SLC16A4: variants seen among roughly 807,000 people sequenced by gnomAD.
SLC16A4 encodes the protein probable monocarboxylate transporter 5.
A neutral mutation model predicts 47.9 loss-of-function variants in SLC16A4; 39 were observed. That is an observed-to-expected ratio of 0.81 (90% confidence interval 0.63 to 1.06). The LOEUF (loss-of-function observed/expected upper bound fraction) is 1.06, where lower values mean the gene tolerates loss of function less well. Ranked by LOEUF, SLC16A4 falls within the 50% of genes least tolerant of loss-of-function variation. The pLI, the probability that SLC16A4 is intolerant of heterozygous loss-of-function variation, is 0.00. For synonymous variants in SLC16A4, 189 were observed against 199.9 expected (o/e 0.95, Z 0.46); for missense variants, 524 against 573.8 (o/e 0.91, Z 0.89).
rs114611832 is a variant in SLC16A4 at position 110,367,374 on chromosome 1, G to A, written c.1337-3481C>T. ...TAGCTGGGTGTTGGCCAGGCGTGAC[G>A]GCTCATGCCTATAATCTTAGCACTT... is the stretch of plus-strand genomic sequence containing the variant. On this transcript the variant is annotated intron_variant, in intron 8 of 8. Coordinates refer to ENST00000369779, the MANE Select transcript of SLC16A4 (RefSeq NM_004696.3). 1.6e-3 allele frequency among the ~76,000 whole-genome samples: 244 copies of A among 152,266 alleles called. 1 individual carries two copies. Among genetic ancestry groups the A allele is most frequent in the African/African-American group, 5.4e-3 (223 of 41,542 alleles).
rs367923142 is a variant in SLC16A4, at chr1:110,379,409, G to A, written c.527-53C>T. ...AAATAGCCTTTCAGTTCACAATACT[G>A]CTTTGTGTTCATAGGCTCAGAAGAG... On this transcript the variant is annotated intron_variant, in intron 5 of 8. Transcript: ENST00000369779. The A allele has an allele frequency of 2.1e-5, 31 of 1,511,992 alleles. 1 individual carries two copies. The African/African-American group carries it at 3.1e-4, about 15-fold the overall frequency. The allele number at this position is 1,511,992 out of a possible 1,614,324, so 93.7% of individuals were successfully genotyped here. A position where few individuals can be genotyped will look rare whatever the true frequency, so the allele number is the denominator to read the frequency against.
chr1:110,381,053 C>T lies in SLC16A4; in HGVS notation c.455G>A (p.Arg152His), dbSNP rs143416831. ...AAGAAAAGTCAGTCCCATCCCAGAA[C>T]GGGCAATAGCTGTAGAAAGAGCCAA... is the stretch of plus-strand genomic sequence containing the variant. ...KRLALSTAIA[R>H]SGMGLTFLLA... Residue 152 changes from arginine to histidine, a missense_variant, in exon 5 of 9, where the codon CGT (arginine) becomes CAT (histidine). Arg to His is a conservative substitution (Grantham distance 29, BLOSUM62 0). Transcript: ENST00000369779. The T allele has an allele frequency of 2.9e-5, 46 of 1,614,032 alleles. 1 individual carries two copies. The South Asian group carries it at 4.3e-4, about 15-fold the overall frequency.
intron 8 of SLC16A4, among the ~76,000 whole-genome samples, 175 bp from the exon 9 acceptor site, chr1:110,364,068 A>G (rs1467924029): frequency 1.3e-5 from 2 of 152,226 alleles, no homozygotes; most frequent in East Asian, 3.8e-4. Flanking sequence ...CACCTGAGTT[A>G]GGGACTTACA....
chr1:110,385,922 C>G (rs1353782814), intron 2 of SLC16A4, among the ~76,000 whole-genome samples: 1 of 152,206 alleles, frequency 6.6e-6, no homozygotes, highest in Non-Finnish European at 1.5e-5. Flanking sequence ...ACACAGATCT[C>G]AAATGACTTA....
At chr1:110,382,361 A>C (rs550565687) in intron 3 of SLC16A4, among the ~76,000 whole-genome samples, 2 of 152,270 alleles carry the variant, frequency 1.3e-5, no homozygotes, top group South Asian at 4.1e-4. Context: ...TGGGAGGCTG[A>C]AGCAGGAGAG....
At chr1:110,386,194 A>G (rs923865369) in intron 2 of SLC16A4, among the ~76,000 whole-genome samples, 1 of 152,176 alleles carries the variant, frequency 6.6e-6, no homozygotes, top group Non-Finnish European at 1.5e-5. Flanking sequence ...ACTTGTCTCT[A>G]ATAACTGAGT....
chr1:110,367,236 G>A (rs987262431), intron 8 of SLC16A4, among the ~76,000 whole-genome samples: 1 of 152,220 alleles, frequency 6.6e-6, no homozygotes. Flanking sequence ...GCTCATGCCT[G>A]TAATCCTAGC....
chr1:110,379,047 C>G lies in SLC16A4; in HGVS notation c.836G>C (p.Ser279Thr). The G allele has an allele frequency of 6.2e-7, 1 of 1,614,204 alleles. No homozygotes were observed. Among genetic ancestry groups the G allele is most frequent in the Non-Finnish European group, 8.5e-7 (1 of 1,180,032 alleles). Residue 279 changes from serine to threonine, a missense_variant, in exon 6 of 9, where the codon AGT becomes ACT. Physicochemically the swap from Ser to Thr is moderately conservative, Grantham distance 58 (BLOSUM62 1). Coordinates refer to ENST00000369779, the MANE Select transcript of SLC16A4 (RefSeq NM_004696.3). Reference protein sequence around the residue: ...NRLLLKSDEESDKVISWSCKQ... With the variant: ...NRLLLKSDEETDKVISWSCKQ... ...GCAGCTCCACGAAATAACCTTATCA[C>G]TTTCTTCATCACTCTTTAATAACAG... is the stretch of plus-strand genomic sequence containing the variant.
rs2100965085 is a variant in SLC16A4 at position 110,363,970 on chromosome 1, A to G, written c.1337-77T>C. ...CTCTCAGCCATGAATAGCTCCTCAA[A>G]GCAAGGAGCCTCCTGTATTGTGACC... On this transcript the variant is annotated intron_variant, in intron 8 of 8. Transcript: ENST00000369779. 2.7e-6 allele frequency: 4 copies of G among 1,469,190 alleles called. No homozygotes were observed. In the East Asian group the frequency reaches 9.3e-5, roughly 34 times the overall value. The allele number at this position is 1,469,190 out of a possible 1,614,324, so 91.0% of individuals were successfully genotyped here. A position where few individuals can be genotyped will look rare whatever the true frequency, so the allele number is the denominator to read the frequency against.
At position 110,374,833 on chromosome 1, in the gene SLC16A4, C is replaced by G. The variant is rs1005539588; in HGVS notation, c.1336+625G>C. Among the ~76,000 whole-genome samples the G allele has an allele frequency of 3.9e-5, 6 of 152,198 alleles. No individual in the cohort carries two copies. The East Asian group carries it at 9.6e-4, about 24-fold the overall frequency. On this transcript the variant is annotated intron_variant, in intron 8 of 8. Coordinates refer to ENST00000369779, the MANE Select transcript of SLC16A4 (RefSeq NM_004696.3). ...TCCTTGGTACTGACAATTTGAAGGG[C>G]CTCTTTTCAAAGAGAGATACTTAAC...
intron 7 of SLC16A4, among the ~76,000 whole-genome samples, chr1:110,376,538 A>G (rs947008242): frequency 6.6e-6 from 1 of 152,210 alleles, no homozygotes; most frequent in African/African-American, 2.4e-5. Context: ...GACCAAGGCA[A>G]TAACTTCAAG....
intron 5 of SLC16A4, 135 bp from the exon 6 acceptor site, chr1:110,379,491 T>G: frequency 2.5e-6 from 2 of 787,994 alleles, no homozygotes; most frequent in Admixed American, 2.9e-5. Flanking sequence ...CCGATTTGAC[T>G]TATTAGTCAT....
chr1:110,363,893 C>A lies in SLC16A4; in HGVS notation c.1337G>T (p.Gly446Val), dbSNP rs1405650495. 1 of 1,597,934 alleles carries A rather than the reference C, an allele frequency of 6.3e-7. No individual in the cohort carries two copies. The highest frequency in any genetic ancestry group is 1.1e-5 in the South Asian group (1 of 86,976). The change falls in exon 9 of 9, where the codon GGC (glycine) becomes GTC (valine). Residue 446 changes from glycine (G) to valine (V), a missense_variant and splice_region_variant. Gly to Val is a moderately radical substitution (Grantham distance 109). Transcript: ENST00000369779. The stretch of plus-strand genomic sequence containing the variant: ...TGTCTGGGTATAATCATATAACCAG[C>A]CTGGAAGGAAGGAATGATTTCTGTT... ...MAVLSGPPIA[G>V]WLYDYTQTYN...
intron 8 of SLC16A4, among the ~76,000 whole-genome samples, chr1:110,364,303 T>C (rs369415650): frequency 3.7e-4 from 56 of 152,202 alleles, no homozygotes; most frequent in African/African-American, 1.3e-3. Context: ...GTGTTGAGGA[T>C]ACACTAGTGA....
At chr1:110,369,927 A>G (rs968579482) in intron 8 of SLC16A4, among the ~76,000 whole-genome samples, 2 of 152,208 alleles carry the variant, frequency 1.3e-5, no homozygotes, top group Non-Finnish European at 2.9e-5. Context: ...GGAACTCAGT[A>G]AAGTTTCCTT....
chr1:110,381,878 CAAGG>C (rs1359727495), intron 3 of SLC16A4, 83 bp from the exon 4 acceptor site: 1 of 1,248,970 alleles, frequency 8.0e-7, no homozygotes, highest in Non-Finnish European at 1.1e-6. Flanking sequence ...AAATGAATGA[CAAGG>C]AAAGCAAGAG....
rs71096348 is a variant in SLC16A4, at chr1:110,383,805, G to GTTTTTTTTTTT, written c.88-850_88-840dup. On this transcript the variant is annotated intron_variant, in intron 2 of 8. Transcript: ENST00000369779. ...TTTTGGAAAGGGCTGTTAAAAGGAGGTTTTTTTTTTTTTTTTTTTTTTTTT... is the reference window on the plus strand; with the variant it reads ...TTTTGGAAAGGGCTGTTAAAAGGAGGTTTTTTTTTTTTTTTTTTTTTTTTTTTTTTTTTTTT... Among the ~76,000 whole-genome samples, 79 of 65,758 alleles carry GTTTTTTTTTTT rather than the reference G, an allele frequency of 1.2e-3. 1 individual carries two copies. The highest frequency in any genetic ancestry group is 9.6e-3 in the East Asian group (18 of 1,874). The allele number at this position is 65,758 out of a possible 152,430, so 43.1% of individuals were successfully genotyped here.
intron 5 of SLC16A4, 91 bp from the exon 6 acceptor site, chr1:110,379,447 T>A: frequency 8.4e-7 from 1 of 1,191,476 alleles, no homozygotes; most frequent in Non-Finnish European, 1.2e-6. Flanking sequence ...CCCACTGGCA[T>A]AGCCCATTAA....
intron 1 of SLC16A4, among the ~76,000 whole-genome samples, chr1:110,390,320 G>C (rs796981952): frequency 1.3e-5 from 2 of 152,280 alleles, no homozygotes; most frequent in African/African-American, 4.8e-5. Flanking sequence ...AGAAAGGGAA[G>C]GCGAGCCTTG....
Sources: gnomAD v4.1 joint callset for allele counts (sites outside exome capture counted in the v4.1 genomes callset) on GRCh38, gnomAD v4.1.1 for gene constraint, MANE v1.5 for transcripts, NCBI Gene and HGNC (gene_info 2026-07-23, HGNC 2026-07-21) for gene names.